The following BMAL1 variants were observed in gnomAD, a reference collection of about 807,000 sequenced individuals.
The protein encoded by BMAL1 is basic helix-loop-helix ARNT like 1.
chr11:13,322,814 G>A, the BMAL1 span, among the ~76,000 whole-genome samples: 1,535 of 132,338 alleles, frequency 0.012, 37 homozygotes, highest in African/African-American at 0.04. Context: ...TTTTGAGAGA[G>A]GGTCTTGCTC....
At chr11:13,305,166 A>C in the BMAL1 span, among the ~76,000 whole-genome samples, 4 of 152,190 alleles carry the variant, frequency 2.6e-5, no homozygotes, top group Non-Finnish European at 4.4e-5. Context: ...AGTTCATCTT[A>C]GAGATGGCAG....
chr11:13,332,066 C>T, the BMAL1 span, among the ~76,000 whole-genome samples: 1 of 152,152 alleles, frequency 6.6e-6, no homozygotes, highest in East Asian at 1.9e-4. Context: ...TACAGACAGA[C>T]AACCAACCAG....
At chr11:13,347,642 T>C in the BMAL1 span, among the ~76,000 whole-genome samples, 1 of 151,576 alleles carries the variant, frequency 6.6e-6, no homozygotes, top group African/African-American at 2.4e-5. Context: ...AGCCCAGGAC[T>C]TTGAGACCAG....
the BMAL1 span, among the ~76,000 whole-genome samples, chr11:13,279,080 C>T: frequency 6.6e-6 from 1 of 152,210 alleles, no homozygotes; most frequent in South Asian, 2.1e-4. Context: ...CACCCCGCAC[C>T]TCCTGACCCC....
chr11:13,368,741 C>A, the BMAL1 span, among the ~76,000 whole-genome samples: 1 of 152,114 alleles, frequency 6.6e-6, no homozygotes, highest in Non-Finnish European at 1.5e-5. Flanking sequence ...TCATGCTCCA[C>A]CCCCAGAGAT....
At chr11:13,372,459 C>T in the BMAL1 span, 6 of 1,599,260 alleles carry the variant, frequency 3.8e-6, no homozygotes, top group African/African-American at 8.1e-5. Flanking sequence ...GGATTTTCAA[C>T]CCTGATCTAA....
chr11:13,290,778 A>T, the BMAL1 span, among the ~76,000 whole-genome samples: 1 of 152,136 alleles, frequency 6.6e-6, no homozygotes, highest in Admixed American at 6.5e-5. Flanking sequence ...AAAAGCCATG[A>T]TTCAAACTCA....
At chr11:13,293,373 A>G in the BMAL1 span, among the ~76,000 whole-genome samples, 10 of 152,240 alleles carry the variant, frequency 6.6e-5, no homozygotes, top group African/African-American at 1.2e-4. Flanking sequence ...AAAAACTCCC[A>G]TAAATATTTG....
chr11:13,296,747 C>G, the BMAL1 span, among the ~76,000 whole-genome samples: 1 of 152,158 alleles, frequency 6.6e-6, no homozygotes, highest in Non-Finnish European at 1.5e-5. Context: ...GCCTTGGTTT[C>G]ATAGTTTTTC....
chr11:13,331,922 G>A, the BMAL1 span, among the ~76,000 whole-genome samples: 8 of 152,182 alleles, frequency 5.3e-5, no homozygotes, highest in Non-Finnish European at 1.0e-4. Flanking sequence ...GATACCAAAG[G>A]CCAGCGGTTT....
the BMAL1 span, chr11:13,365,269 G>A: frequency 3.6e-6 from 1 of 275,908 alleles, no homozygotes; most frequent in Non-Finnish European, 6.6e-6. Flanking sequence ...ATAATAATTA[G>A]ATGATATGCA....
the BMAL1 span, among the ~76,000 whole-genome samples, chr11:13,301,084 G>C: frequency 6.6e-6 from 1 of 152,154 alleles, no homozygotes; most frequent in Non-Finnish European, 1.5e-5. Context: ...TTATAGGCAC[G>C]TGCCACCACA....
chr11:13,331,313 C>G, the BMAL1 span, among the ~76,000 whole-genome samples: 107 of 152,342 alleles, frequency 7.0e-4, 1 homozygote, highest in African/African-American at 2.5e-3. Context: ...ATCAGTTGCT[C>G]TCTGACCCAC....
At chr11:13,284,230 G>GTATATATA in the BMAL1 span, among the ~76,000 whole-genome samples, 2 of 20,672 alleles carry the variant, frequency 9.7e-5, no homozygotes, top group Non-Finnish European at 2.0e-4. Context: ...ATATATATGT[G>GTATATATA]TGTGTATATA....
the BMAL1 span, among the ~76,000 whole-genome samples, chr11:13,313,771 T>G: frequency 5.9e-5 from 9 of 152,168 alleles, no homozygotes; most frequent in Admixed American, 6.5e-5. Context: ...ATCAGAGCTT[T>G]CTTTTGCTTA....
At chr11:13,284,156 ATATGTGTG>A in the BMAL1 span, among the ~76,000 whole-genome samples, 32 of 43,836 alleles carry the variant, frequency 7.3e-4, 1 homozygote, top group African/African-American at 2.6e-3. Flanking sequence ...GTATATATAT[ATATGTGTG>A]TATATATATA....
the BMAL1 span, among the ~76,000 whole-genome samples, chr11:13,332,163 C>T: frequency 6.6e-6 from 1 of 152,140 alleles, no homozygotes; most frequent in African/African-American, 2.4e-5. Context: ...GGGCTGTGGG[C>T]AGATCCAGCA....
the BMAL1 span, chr11:13,376,815 C>T: frequency 1.6e-6 from 2 of 1,277,826 alleles, no homozygotes; most frequent in Non-Finnish European, 2.2e-6. Context: ...TCAGGGTCCC[C>T]TCCATTCATA....
chr11:13,297,062 C>T, the BMAL1 span, among the ~76,000 whole-genome samples: 4 of 152,196 alleles, frequency 2.6e-5, no homozygotes, highest in Non-Finnish European at 4.4e-5. Context: ...TACATAGCCA[C>T]AGCGTGGTAA....
Sources: allele counts gnomAD v4.1 joint callset (sites outside exome capture counted in the v4.1 genomes callset), GRCh38; gene constraint gnomAD v4.1.1; transcripts MANE v1.5; gene names NCBI Gene and HGNC (gene_info 2026-07-23, HGNC 2026-07-21).